The following NLN variants were observed in gnomAD, a reference collection of about 807,000 sequenced individuals.
The protein encoded by NLN is neurolysin, mitochondrial.
In NLN, 64 loss-of-function variants were observed where a neutral mutation model predicts 79.9. The ratio of observed to expected loss-of-function variants is 0.80; its 90% CI spans 0.65 to 0.99. The LOEUF is 0.99. Among genes scored for constraint, NLN ranks in the 50% least tolerant of loss-of-function variants. The pLI is 0.00. For missense variants in NLN, 835 were observed against 858.7 expected, an observed-to-expected ratio of 0.97 and a Z score of 0.34; for synonymous variants, 267 against 296.6, an observed-to-expected ratio of 0.90 and a Z score of 1.02.
intron 1 of NLN, among the ~76,000 whole-genome samples, chr5:65,747,948 C>G (rs1232218378): frequency 6.6e-6 from 1 of 152,172 alleles, no homozygotes; most frequent in South Asian, 2.1e-4. Context: ...CACCTGTAAT[C>G]CTAGCACTTT....
At position 65,824,735 on chromosome 5, in the gene NLN, A is replaced by C. The variant is rs1273864044; in HGVS notation, c.*1820A>C. The C allele has an allele frequency of 6.6e-6, 1 of 152,246 alleles. No homozygotes were observed. The highest frequency in any genetic ancestry group is 2.4e-5 in the African/African-American group (1 of 41,464). 9.4% of individuals were successfully genotyped at this position (152,246 alleles called of 1,614,324 possible). On this transcript the variant is annotated 3_prime_UTR_variant, in exon 13 of 13. Transcript: ENST00000380985. ...TTTAACGTTAAAACCGAAATGCATG[A>C]GAGCAAAAGCACCATGGTGTTCTTT... is the stretch of plus-strand genomic sequence containing the variant.
Position 65,812,239 on chromosome 5 carries a change from G to T in NLN, c.1844-16G>T. 5 of 1,612,184 alleles carry T rather than the reference G, an allele frequency of 3.1e-6. No individual in the cohort carries two copies. Among genetic ancestry groups the T allele is most frequent in the Non-Finnish European group, 4.2e-6 (5 of 1,178,324 alleles). ...CGTTTGCTATCACATTGATTGAAAT[G>T]TATCTTTTTTTAAAGGCACAAATAT... On this transcript the variant is annotated splice_polypyrimidine_tract_variant and intron_variant, in intron 11 of 12. Coordinates refer to ENST00000380985, the MANE Select transcript of NLN (RefSeq NM_020726.5).
In NLN at chr5:65,812,271, T is replaced by A. The variant is rs753145456; in HGVS notation, c.1860T>A (p.Ala620=). The change falls in exon 12 of 13, where the codon GCT becomes GCA. Residue 620 remains alanine (A), a synonymous_variant. Transcript: ENST00000380985. ...TTTTTAAAGGCACAAATATGCCAGC[T>A]ACCTTTGGACATTTGGCAGGGGGAT... is the stretch of plus-strand genomic sequence containing the variant. ...VAATPGTNMP[A]TFGHLAGGYD... is the part of the protein sequence containing the mutation. 6.2e-7 allele frequency: 1 copy of A among 1,613,592 alleles called. No homozygotes were observed. Among genetic ancestry groups the A allele is most frequent in the East Asian group, 2.2e-5 (1 of 44,872 alleles).
Position 65,758,854 on chromosome 5 carries a change from G to A in NLN, c.301+28G>A, listed in dbSNP as rs542628993. ...GGGTCAGATGCAGAAGCATATCAGT[G>A]TTTCACTTTGTGGACATCTTAAATC... On this transcript the variant is annotated intron_variant, in intron 2 of 12. Coordinates refer to ENST00000380985, the MANE Select transcript of NLN (RefSeq NM_020726.5). 17 of 1,579,716 alleles carry A rather than the reference G, an allele frequency of 1.1e-5. No individual in the cohort carries two copies. The South Asian group carries it at 1.6e-4, about 15-fold the overall frequency.
chr5:65,740,385 G>A (rs1487396172), intron 1 of NLN, among the ~76,000 whole-genome samples: 1 of 151,974 alleles, frequency 6.6e-6, no homozygotes, highest in African/African-American at 2.4e-5. Context: ...ATTCATGAAT[G>A]GATTAATCCA....
intron 3 of NLN, among the ~76,000 whole-genome samples, chr5:65,769,503 A>T (rs1268188330): frequency 6.6e-6 from 1 of 152,224 alleles, no homozygotes; most frequent in Non-Finnish European, 1.5e-5. Context: ...AAAACATTTC[A>T]TGTGCCCCAT....
chr5:65,730,528 T>C (rs1245315306), intron 1 of NLN, among the ~76,000 whole-genome samples: 2 of 151,972 alleles, frequency 1.3e-5, no homozygotes, highest in Non-Finnish European at 2.9e-5. Flanking sequence ...CTCATCCTTT[T>C]TTTTCTATTT....
chr5:65,781,324 C>G lies in NLN; in HGVS notation c.725C>G (p.Thr242Ser). 6.2e-7 allele frequency: 1 copy of G among 1,601,950 alleles called. No individual in the cohort carries two copies. The highest frequency in any genetic ancestry group is 8.6e-7 in the Non-Finnish European group (1 of 1,169,152). The stretch of plus-strand genomic sequence containing the variant: ...ACAGATGATGACAAGTATAAAATTA[C>G]CTTAAAATATCCACACTATTTCCCT... ...EKTDDDKYKI[T>S]LKYPHYFPVM... The change falls in exon 6 of 13, where the codon ACC (threonine) becomes AGC (serine). Residue 242 changes from threonine to serine, a missense_variant. Coordinates refer to ENST00000380985, the MANE Select transcript of NLN (RefSeq NM_020726.5).
intron 12 of NLN, among the ~76,000 whole-genome samples, chr5:65,815,302 G>A (rs1214321651): frequency 1.3e-5 from 2 of 152,200 alleles, no homozygotes; most frequent in South Asian, 2.1e-4. Flanking sequence ...ACTTGCAAGT[G>A]TAATAGAAGC....
At chr5:65,759,949 T>G (rs1176973222) in intron 2 of NLN, among the ~76,000 whole-genome samples, 1 of 152,164 alleles carries the variant, frequency 6.6e-6, no homozygotes, top group African/African-American at 2.4e-5. Flanking sequence ...AAGATTCCCT[T>G]TGGTTACCTC....
chr5:65,724,999 GT>G (rs1373252749), intron 1 of NLN, among the ~76,000 whole-genome samples: 2 of 151,744 alleles, frequency 1.3e-5, no homozygotes, highest in African/African-American at 4.8e-5. Flanking sequence ...TAGAGACGGG[GT>G]TTCATCCTGT....
At position 65,734,068 on chromosome 5, in the gene NLN, T is replaced by G. The variant is rs1386122664; in HGVS notation, c.41+11654T>G. 1.4e-5 allele frequency among the ~76,000 whole-genome samples: 2 copies of G among 138,554 alleles called. 1 individual carries two copies. Among genetic ancestry groups the G allele is most frequent in the East Asian group, 4.0e-4 (2 of 5,018 alleles). 90.9% of individuals were successfully genotyped at this position (138,554 alleles called of 152,430 possible). On this transcript the variant is annotated intron_variant, in intron 1 of 12. Transcript: ENST00000380985. The stretch of plus-strand genomic sequence containing the variant: ...GTCCACCACCACACCCAGCTAATTT[T>G]TGGTATTTTTAGTAGAGTCAGGGTT...
chr5:65,747,006 A>C (rs953942907), intron 1 of NLN, among the ~76,000 whole-genome samples: 1 of 136,656 alleles, frequency 7.3e-6, no homozygotes, highest in Non-Finnish European at 1.6e-5. Flanking sequence ...TCTGTCTCAG[A>C]AAAAAAAAAA....
At chr5:65,759,721 T>C (rs1041246439) in intron 2 of NLN, among the ~76,000 whole-genome samples, 3 of 152,182 alleles carry the variant, frequency 2.0e-5, no homozygotes, top group Non-Finnish European at 4.4e-5. Flanking sequence ...TAGAGGGCAG[T>C]CTGCTTTACT....
In NLN at chr5:65,722,276, C is replaced by G; in HGVS notation, c.-98C>G. The G allele has an allele frequency of 1.1e-6, 1 of 928,694 alleles. No homozygotes were observed. Among genetic ancestry groups the G allele is most frequent in the Non-Finnish European group, 1.5e-6 (1 of 652,096 alleles). The allele number at this position is 928,694 out of a possible 1,614,324, so 57.5% of individuals were successfully genotyped here. A position where few individuals can be genotyped will look rare whatever the true frequency, so the allele number is the denominator to read the frequency against. On this transcript the variant is annotated 5_prime_UTR_variant, in exon 1 of 13. Coordinates refer to ENST00000380985, the MANE Select transcript of NLN (RefSeq NM_020726.5). ...AGCCACTGTGGCCTCTGCGGCTAGG[C>G]CGGCTCGAGACTCCCGGGCGCCCAG... is the stretch of plus-strand genomic sequence containing the variant.
chr5:65,744,472 C>CTTTTTT (rs199944194), intron 1 of NLN, among the ~76,000 whole-genome samples: 1 of 139,594 alleles, frequency 7.2e-6, no homozygotes, highest in African/African-American at 2.6e-5. Context: ...TCTCTCTCCC[C>CTTTTTT]TTTTTTTTTT....
chr5:65,746,824 G>A, intron 1 of NLN, among the ~76,000 whole-genome samples: 1 of 152,012 alleles, frequency 6.6e-6, no homozygotes, highest in Non-Finnish European at 1.5e-5. Context: ...CTAACACAGT[G>A]AAACCCCGTC....
At chr5:65,788,735 G>T (rs1323548584) in intron 8 of NLN, among the ~76,000 whole-genome samples, 2 of 152,162 alleles carry the variant, frequency 1.3e-5, no homozygotes, top group African/African-American at 4.8e-5. Context: ...ACTTTGGGAG[G>T]CCGAGGCAGG....
intron 1 of NLN, among the ~76,000 whole-genome samples, chr5:65,751,376 A>C (rs1029443723): frequency 1.3e-5 from 2 of 152,174 alleles, no homozygotes; most frequent in East Asian, 3.9e-4. Context: ...GTGTTGCTTT[A>C]ATGTTTTTGT....
Sources: gnomAD v4.1 joint callset for allele counts (sites outside exome capture counted in the v4.1 genomes callset) on GRCh38, gnomAD v4.1.1 for gene constraint, MANE v1.5 for transcripts, NCBI Gene and HGNC (gene_info 2026-07-23, HGNC 2026-07-21) for gene names.